The following SCNN1G variants were observed in gnomAD, a reference collection of about 807,000 sequenced individuals.
SCNN1G encodes the protein epithelial sodium channel subunit gamma.
SCNN1G carries 27 observed loss-of-function variants against 64.6 expected under a neutral mutation model. That is an observed-to-expected ratio of 0.42 (90% CI 0.31 to 0.58). The LOEUF is 0.58. Ranked by LOEUF, SCNN1G falls within the 20% of genes least tolerant of loss-of-function variation. The pLI is 0.18. For missense variants in SCNN1G, 743 were observed against 823.4 expected (o/e 0.90, Z 1.19); for synonymous variants, 330 against 314.2 (o/e 1.05, Z -0.53).
At chr16:23,192,015 G>A (rs1305847251) in intron 3 of SCNN1G, among the ~76,000 whole-genome samples, 1 of 152,168 alleles carries the variant, frequency 6.6e-6, no homozygotes, top group African/African-American at 2.4e-5. Context: ...TAGGAAATGG[G>A]AAAGGTTGTT....
At chr16:23,188,823 G>A (rs1279958928) in intron 2 of SCNN1G, among the ~76,000 whole-genome samples, 2 of 152,100 alleles carry the variant, frequency 1.3e-5, no homozygotes, top group East Asian at 3.9e-4. Flanking sequence ...CATTTGATTT[G>A]TGAAAATTAA....
intron 6 of SCNN1G, 67 bp from the exon 7 acceptor site, chr16:23,209,683 T>C: frequency 8.6e-7 from 1 of 1,157,134 alleles, no homozygotes; most frequent in South Asian, 1.2e-5. Context: ...TGTCTGGTGC[T>C]CCTTGCAAAG....
At chr16:23,197,238 C>G in intron 5 of SCNN1G, 26 bp from the exon 6 acceptor site, 1 of 1,607,470 alleles carries the variant, frequency 6.2e-7, no homozygotes, top group Non-Finnish European at 8.5e-7. Flanking sequence ...AGCCTTGGAT[C>G]ACAGCAGGTT....
intron 7 of SCNN1G, 74 bp downstream of exon 7, chr16:23,209,922 G>A: frequency 9.7e-7 from 1 of 1,035,422 alleles, no homozygotes; most frequent in East Asian, 2.4e-5. Flanking sequence ...ATCTAAGCTG[G>A]GGTGTGGCTT....
intron 11 of SCNN1G, among the ~76,000 whole-genome samples, 176 bp from the exon 12 acceptor site, chr16:23,214,536 G>T: frequency 6.6e-6 from 1 of 152,324 alleles, no homozygotes; most frequent in East Asian, 1.9e-4. Flanking sequence ...CCAGATCCAG[G>T]CTGGAGATAT....
At chr16:23,200,931 A>G (rs1039137032) in intron 6 of SCNN1G, among the ~76,000 whole-genome samples, 1 of 152,192 alleles carries the variant, frequency 6.6e-6, no homozygotes. Context: ...GAAACCATCA[A>G]AATGGTCTTT....
At chr16:23,186,828 T>C (rs931873556) in intron 2 of SCNN1G, among the ~76,000 whole-genome samples, 2 of 152,220 alleles carry the variant, frequency 1.3e-5, no homozygotes, top group Admixed American at 1.3e-4. Context: ...TTTCCTTTTT[T>C]GAGATGGAGT....
At chr16:23,192,911 A>T (rs1016221151) in intron 4 of SCNN1G, among the ~76,000 whole-genome samples, 1 of 151,764 alleles carries the variant, frequency 6.6e-6, no homozygotes, top group African/African-American at 2.4e-5. Flanking sequence ...TCTACTAAAA[A>T]TACAAAACTT....
rs1274237434 is a variant in SCNN1G at position 23,197,427 on chromosome 16, G to A, written c.1077G>A (p.Leu359=). The part of the protein sequence containing the change: ...TAMVTSIGMH[L]TESFKLSEPY... ...TGGTCACCTCTATAGGAATGCACCTGGTAAGAGAATATTCTCATTTCCATA... is the reference window on the plus strand; with the variant it reads ...TGGTCACCTCTATAGGAATGCACCTAGTAAGAGAATATTCTCATTTCCATA... Residue 359 remains leucine, a splice_region_variant and synonymous_variant, in exon 6 of 13, where the codon CTG becomes CTA. Transcript: ENST00000300061. 6.2e-7 allele frequency: 1 copy of A among 1,613,194 alleles called. No individual in the cohort carries two copies.
In SCNN1G at chr16:23,214,768, T is replaced by C. The variant is rs144653364; in HGVS notation, c.1550T>C (p.Met517Thr). 1.8e-4 allele frequency: 295 copies of C among 1,613,890 alleles called. No individual in the cohort carries two copies. Among genetic ancestry groups the C allele is most frequent in the Admixed American group, 3.8e-4 (23 of 59,998 alleles). Residue 517 changes from methionine to threonine, a missense_variant, in exon 12 of 13, where the codon ATG (methionine) becomes ACG (threonine). Transcript: ENST00000300061. Reference sequence around the variant, plus strand: ...AAAGACCTGAACCAGAGATCCATCATGGAGAGCCCAGCCAACAGTGTGAGT... The same window carrying C: ...AAAGACCTGAACCAGAGATCCATCACGGAGAGCCCAGCCAACAGTGTGAGT... ...FYKDLNQRSI[M>T]ESPANSIEML...
intron 8 of SCNN1G, 142 bp from the exon 9 acceptor site, chr16:23,212,536 A>T: frequency 1.3e-6 from 1 of 750,976 alleles, no homozygotes; most frequent in Non-Finnish European, 2.4e-6. Context: ...TCACAATGCA[A>T]TATGTGTTTC....
chr16:23,204,332 T>TAGAGAGAGAG (rs1275220740), intron 6 of SCNN1G, among the ~76,000 whole-genome samples: 3 of 25,142 alleles, frequency 1.2e-4, no homozygotes, highest in Non-Finnish European at 2.1e-4. Flanking sequence ...TATATATATA[T>TAGAGAGAGAG]ATAGAGAGAG....
In SCNN1G at chr16:23,197,285, T is replaced by C. The variant is rs763074457; in HGVS notation, c.935T>C (p.Ile312Thr). The C allele has an allele frequency of 2.5e-6, 4 of 1,613,930 alleles. No homozygotes were observed. The highest frequency in any genetic ancestry group is 1.1e-5 in the South Asian group (1 of 91,068). Residue 312 changes from isoleucine (I) to threonine (T), a missense_variant, in exon 6 of 13, where the codon ATA becomes ACA. Physicochemically the swap from Ile to Thr is moderately conservative, Grantham distance 89 (BLOSUM62 -1). Coordinates refer to ENST00000300061, the MANE Select transcript of SCNN1G (RefSeq NM_001039.4). ...CCAGGGCTGCAAGTCATTTTGTACA[T>C]AAACGAAGAGGAATACAACCCATTC... Reference protein sequence around the residue: ...SEYGLQVILYINEEEYNPFLV... With the variant: ...SEYGLQVILYTNEEEYNPFLV...
intron 3 of SCNN1G, among the ~76,000 whole-genome samples, chr16:23,189,923 A>G (rs1959679375): frequency 6.6e-6 from 1 of 152,158 alleles, no homozygotes; most frequent in Non-Finnish European, 1.5e-5. Context: ...TACAAAAATT[A>G]GCTGGGCATG....
intron 10 of SCNN1G, 75 bp from the exon 11 acceptor site, chr16:23,213,027 T>G: frequency 6.5e-7 from 1 of 1,533,642 alleles, no homozygotes; most frequent in Non-Finnish European, 9.0e-7. Flanking sequence ...GGGGACAAGT[T>G]GGGGAGCCTG....
rs113043814 is a variant in SCNN1G, at chr16:23,192,983, C to T, written c.809+441C>T. Reference sequence around the variant, plus strand: ...ATTCAGGAGACTGAGGCAGAAGAATCGCTTGAACCCGGGAGGCGGAGGTTG... The same window carrying T: ...ATTCAGGAGACTGAGGCAGAAGAATTGCTTGAACCCGGGAGGCGGAGGTTG... On this transcript the variant is annotated intron_variant, in intron 4 of 12. Transcript: ENST00000300061. 2.8e-4 allele frequency among the ~76,000 whole-genome samples: 41 copies of T among 146,044 alleles called. 1 individual carries two copies. The highest frequency in any genetic ancestry group is 9.0e-4 in the African/African-American group (36 of 39,814).
chr16:23,204,236 GC>G (rs1281600125), intron 6 of SCNN1G, among the ~76,000 whole-genome samples: 1 of 143,284 alleles, frequency 7.0e-6, no homozygotes, highest in African/African-American at 2.6e-5. Context: ...CTGTGGCCAT[GC>G]CACTGCACTG....
intron 5 of SCNN1G, among the ~76,000 whole-genome samples, chr16:23,196,169 A>G (rs1007813436): frequency 6.6e-6 from 1 of 152,190 alleles, no homozygotes; most frequent in African/African-American, 2.4e-5. Context: ...GTTAGTTTGG[A>G]TAAGAAGGCC....
intron 4 of SCNN1G, among the ~76,000 whole-genome samples, chr16:23,192,919 C>T (rs1031538190): frequency 6.6e-6 from 1 of 151,118 alleles, no homozygotes; most frequent in African/African-American, 2.4e-5. Context: ...AAATACAAAA[C>T]TTAGCCAGGC....
Sources: allele counts gnomAD v4.1 joint callset (sites outside exome capture counted in the v4.1 genomes callset), GRCh38; gene constraint gnomAD v4.1.1; transcripts MANE v1.5; gene names NCBI Gene and HGNC (gene_info 2026-07-23, HGNC 2026-07-21).